The following ANKMY2 variants were observed in gnomAD, a reference collection of about 807,000 sequenced individuals.
ANKMY2 encodes the protein ankyrin repeat and MYND domain-containing protein 2.
In ANKMY2, 36 loss-of-function variants were observed where a neutral mutation model predicts 50.4. That is an observed-to-expected ratio of 0.71 (90% CI 0.55 to 0.94). The LOEUF is 0.94. Ranked by LOEUF, ANKMY2 falls within the 40% of genes least tolerant of loss-of-function variation. ANKMY2 has a pLI of 0.00. For synonymous variants in ANKMY2, 187 were observed against 178.8 expected (o/e 1.05, Z -0.36); for missense variants, 565 against 524.0 (o/e 1.08, Z -0.76).
At chr7:16,609,834 A>G (rs1262086612) in intron 6 of ANKMY2, 69 bp from the exon 7 acceptor site, 1 of 1,521,592 alleles carries the variant, frequency 6.6e-7, no homozygotes, top group Non-Finnish European at 8.9e-7. Context: ...TGAACCCAAC[A>G]GTTTTTAGTA....
At chr7:16,645,186 A>G (rs1459221446) in intron 1 of ANKMY2, among the ~76,000 whole-genome samples, 1 of 152,146 alleles carries the variant, frequency 6.6e-6, no homozygotes, top group Non-Finnish European at 1.5e-5. Flanking sequence ...GGAGCAGTGA[A>G]GAATTCACAC....
chr7:16,626,607 T>C (rs1348489298), intron 3 of ANKMY2, among the ~76,000 whole-genome samples: 2 of 152,196 alleles, frequency 1.3e-5, no homozygotes, highest in South Asian at 2.1e-4. Context: ...TAATAAACAA[T>C]ACAAATCCGA....
rs1781212333 is a variant in ANKMY2, at chr7:16,609,590, G to A, written c.882+40C>T. On this transcript the variant is annotated intron_variant, in intron 7 of 9. Coordinates refer to ENST00000306999, the MANE Select transcript of ANKMY2 (RefSeq NM_020319.3). The stretch of plus-strand genomic sequence containing the variant: ...TAACAATACAATAGGTGGGAATTAG[G>A]TTTTACTGATAGAGTCAACTTAGGT... The A allele has an allele frequency of 3.9e-6, 6 of 1,558,324 alleles. No individual in the cohort carries two copies. In the African/African-American group the frequency reaches 7.0e-5, roughly 18 times the overall value.
At chr7:16,615,992 G>C in intron 4 of ANKMY2, 88 bp from the exon 5 acceptor site, 2 of 1,277,436 alleles carry the variant, frequency 1.6e-6, no homozygotes, top group Non-Finnish European at 2.1e-6. Context: ...CTATTTTTGT[G>C]ATGTAAACAT....
chr7:16,604,685 C>CAGAG (rs1781123211), intron 8 of ANKMY2, 36 bp downstream of exon 8: 1 of 1,603,696 alleles, frequency 6.2e-7, no homozygotes, highest in East Asian at 2.2e-5. Context: ...GCATCTAAAC[C>CAGAG]AGAGGTCAAT....
intron 4 of ANKMY2, among the ~76,000 whole-genome samples, chr7:16,616,870 G>A (rs986221219): frequency 2.6e-5 from 4 of 152,202 alleles, no homozygotes; most frequent in African/African-American, 9.6e-5. Context: ...TGATCCTGCC[G>A]ACAACAGGTG....
intron 2 of ANKMY2, among the ~76,000 whole-genome samples, chr7:16,634,615 C>T (rs1781631526): frequency 6.6e-6 from 1 of 152,182 alleles, no homozygotes; most frequent in African/African-American, 2.4e-5. Context: ...CTACCCAAGC[C>T]TGGGCAAATA....
chr7:16,632,411 C>A (rs1192892472), intron 2 of ANKMY2, among the ~76,000 whole-genome samples: 1 of 152,136 alleles, frequency 6.6e-6, no homozygotes, highest in African/African-American at 2.4e-5. Flanking sequence ...ACTTCACCCC[C>A]ACTCCCTTAC....
chr7:16,627,052 CA>C lies in ANKMY2; in HGVS notation c.258del (p.Phe86LeufsTer13), dbSNP rs1781515996. On this transcript the variant is annotated frameshift_variant, in exon 3 of 10. Coordinates refer to ENST00000306999, the MANE Select transcript of ANKMY2 (RefSeq NM_020319.3). LOFTEE classifies it high-confidence loss of function. ...QHEHGYTALMFAALSGNKDIT... is the reference protein window; with the variant it reads ...QHEHGYTALMXAALSGNKDIT... ...ACTAAAACTTCACCAGAAAGTGCAG[CA>C]AACATGAGGGCTGTGTATCCATGTT... The C allele has an allele frequency of 6.3e-7, 1 of 1,599,532 alleles. No individual in the cohort carries two copies. The highest frequency in any genetic ancestry group is 1.8e-5 in the Admixed American group (1 of 56,926).
chr7:16,607,410 G>A (rs115607518), intron 7 of ANKMY2, among the ~76,000 whole-genome samples: 3,905 of 151,936 alleles, frequency 0.026, 157 homozygotes, highest in African/African-American at 0.088. Flanking sequence ...TACTAAAAAT[G>A]CAGAAACATT....
At chr7:16,634,709 A>G (rs1311346687) in intron 2 of ANKMY2, among the ~76,000 whole-genome samples, 2 of 152,180 alleles carry the variant, frequency 1.3e-5, no homozygotes, top group East Asian at 3.9e-4. Context: ...CCAGGCTTGA[A>G]AACCTCAAGC....
At chr7:16,630,301 C>G (rs189058051) in intron 2 of ANKMY2, among the ~76,000 whole-genome samples, 6 of 152,208 alleles carry the variant, frequency 3.9e-5, no homozygotes, top group Non-Finnish European at 8.8e-5. Flanking sequence ...TTTACACTCC[C>G]CTCATTTAAA....
chr7:16,631,373 T>C (rs775048589), intron 2 of ANKMY2, among the ~76,000 whole-genome samples: 1 of 152,228 alleles, frequency 6.6e-6, no homozygotes, highest in Non-Finnish European at 1.5e-5. Context: ...CATAGTTTTG[T>C]GAAACTTCTT....
intron 5 of ANKMY2, among the ~76,000 whole-genome samples, chr7:16,611,190 A>G (rs1179290474): frequency 1.3e-5 from 2 of 152,224 alleles, no homozygotes; most frequent in East Asian, 3.8e-4. Context: ...GAGAACTACA[A>G]TTCTCATTAA....
At chr7:16,629,293 T>C (rs889561395) in intron 2 of ANKMY2, among the ~76,000 whole-genome samples, 1 of 152,192 alleles carries the variant, frequency 6.6e-6, no homozygotes, top group African/African-American at 2.4e-5. Context: ...CCCAACACTT[T>C]GGGAGGCTGA....
intron 2 of ANKMY2, among the ~76,000 whole-genome samples, chr7:16,632,097 C>G (rs1781595990): frequency 1.5e-5 from 2 of 137,650 alleles, no homozygotes; most frequent in South Asian, 5.3e-4. Flanking sequence ...CCCGTCTTTC[C>G]TTCCTTCCTC....
At chr7:16,618,618 A>C (rs1781391509) in intron 4 of ANKMY2, among the ~76,000 whole-genome samples, 1 of 152,142 alleles carries the variant, frequency 6.6e-6, no homozygotes, top group Admixed American at 6.6e-5. Flanking sequence ...TTCTTTCCCC[A>C]GTACATACGT....
intron 2 of ANKMY2, among the ~76,000 whole-genome samples, chr7:16,633,058 A>G: frequency 6.6e-6 from 1 of 152,166 alleles, no homozygotes; most frequent in East Asian, 1.9e-4. Context: ...CTTTGGAGCA[A>G]TATCTATCCA....
intron 7 of ANKMY2, among the ~76,000 whole-genome samples, chr7:16,606,106 C>T (rs1245019575): frequency 6.6e-6 from 1 of 152,146 alleles, no homozygotes; most frequent in African/African-American, 2.4e-5. Flanking sequence ...CATGAGCCAC[C>T]GCGCCTGGCC....
Sources: gnomAD v4.1 joint callset for allele counts (sites outside exome capture counted in the v4.1 genomes callset) on GRCh38, gnomAD v4.1.1 for gene constraint, MANE v1.5 for transcripts, NCBI Gene and HGNC (gene_info 2026-07-23, HGNC 2026-07-21) for gene names.